The following BUB1B variants were observed in gnomAD, a reference collection of about 807,000 sequenced individuals.
BUB1B encodes the protein BUB1 mitotic checkpoint serine/threonine kinase B.
BUB1B carries 86 observed loss-of-function variants against 137.7 expected under a neutral mutation model. That is an observed-to-expected ratio of 0.62 (90% CI 0.52 to 0.75). The LOEUF (loss-of-function observed/expected upper bound fraction) is 0.75, where lower values mean the gene tolerates loss of function less well. BUB1B is among the 30% of genes least tolerant of loss of function. BUB1B has a pLI of 0.00. For missense variants in BUB1B, 1,130 were observed against 1,236.9 expected (o/e 0.91, Z 1.30); for synonymous variants, 420 against 417.9 (o/e 1.00, Z -0.06).
In BUB1B at chr15:40,202,479, T is replaced by G. The variant is rs776089905; in HGVS notation, c.1628+14T>G. 1.2e-6 allele frequency: 2 copies of G among 1,609,776 alleles called. No homozygotes were observed. The highest frequency in any genetic ancestry group is 4.5e-5 in the East Asian group (2 of 44,830). On this transcript the variant is annotated intron_variant, in intron 13 of 22. Transcript: ENST00000287598. ...GAAGAATAAAAGGTACGTTGTTTTTTTGTTTTTTTGGTTTTTTTTTACTTA... is the reference window on the plus strand; with the variant it reads ...GAAGAATAAAAGGTACGTTGTTTTTGTGTTTTTTTGGTTTTTTTTTACTTA...
At chr15:40,217,691 A>C in intron 21 of BUB1B, 24 bp downstream of exon 21, 1 of 1,613,580 alleles carries the variant, frequency 6.2e-7, no homozygotes, top group Non-Finnish European at 8.5e-7. Flanking sequence ...AAGCCTGAGC[A>C]AATATGGAGA....
At chr15:40,206,121 C>T in intron 14 of BUB1B, 63 bp from the exon 15 acceptor site, 1 of 1,540,866 alleles carries the variant, frequency 6.5e-7, no homozygotes, top group Non-Finnish European at 9.0e-7. Context: ...ATGTCTCTCT[C>T]AGTAAAAAAG....
chr15:40,161,277 T>C, intron 1 of BUB1B, 22 bp downstream of exon 1: 1 of 1,609,072 alleles, frequency 6.2e-7, no homozygotes, highest in Non-Finnish European at 8.5e-7. Flanking sequence ...AGAAAGCTGC[T>C]GGGGGCTGGG....
At chr15:40,181,354 G>A (rs900245054) in intron 5 of BUB1B, among the ~76,000 whole-genome samples, 1 of 152,160 alleles carries the variant, frequency 6.6e-6, no homozygotes, top group African/African-American at 2.4e-5. Flanking sequence ...GCCTCCCAAA[G>A]TGCTGGGATT....
At chr15:40,190,721 T>C (rs1011536290) in intron 8 of BUB1B, among the ~76,000 whole-genome samples, 15 of 152,210 alleles carry the variant, frequency 9.9e-5, no homozygotes, top group African/African-American at 3.4e-4. Context: ...TTAAGTATAA[T>C]AAGGGTTACT....
chr15:40,208,532 C>A, intron 15 of BUB1B, 105 bp from the exon 16 acceptor site: 1 of 1,176,030 alleles, frequency 8.5e-7, no homozygotes, highest in Non-Finnish European at 1.2e-6. Context: ...GAGCAAAACT[C>A]CATCTCAAAA....
At chr15:40,184,679 G>A (rs1295492307) in intron 6 of BUB1B, among the ~76,000 whole-genome samples, 1 of 152,048 alleles carries the variant, frequency 6.6e-6, no homozygotes, top group African/African-American at 2.4e-5. Context: ...GGGAGTGTAT[G>A]GTCCCAAAGG....
Position 40,200,306 on chromosome 15 carries a change from A to T in BUB1B, c.1464A>T (p.Lys488Asn), listed in dbSNP as rs368023159. 44 of 1,613,916 alleles carry T rather than the reference A, an allele frequency of 2.7e-5. No individual in the cohort carries two copies. The Middle Eastern group carries it at 6.6e-4, about 24-fold the overall frequency. Residue 488 changes from lysine (K) to asparagine (N), a missense_variant, in exon 11 of 23, where the codon AAA (lysine) becomes AAT (asparagine). Transcript: ENST00000287598. Reference sequence around the variant, plus strand: ...TGCAAATTGCTTCCGAGTCTCAGAAAATACCAGGAATGACTCTATCCAGTT... The same window carrying T: ...TGCAAATTGCTTCCGAGTCTCAGAATATACCAGGAATGACTCTATCCAGTT... Reference protein sequence around the residue: ...TKLQIASESQKIPGMTLSSSV... With the variant: ...TKLQIASESQNIPGMTLSSSV...
intron 2 of BUB1B, 44 bp from the exon 3 acceptor site, chr15:40,170,018 G>T: frequency 6.9e-7 from 1 of 1,459,296 alleles, no homozygotes; most frequent in Non-Finnish European, 9.6e-7. Context: ...TTCATTGGCT[G>T]TTGTCACTAT....
intron 12 of BUB1B, 146 bp from the exon 13 acceptor site, chr15:40,202,259 T>G: frequency 1.4e-6 from 1 of 698,648 alleles, no homozygotes. Context: ...TTTAATGACC[T>G]TTTATATGTT....
At chr15:40,183,105 G>C (rs953797266) in intron 5 of BUB1B, among the ~76,000 whole-genome samples, 15 of 152,046 alleles carry the variant, frequency 9.9e-5, no homozygotes, top group Admixed American at 5.9e-4. Flanking sequence ...TACTTTTTAA[G>C]GCTAGTTAAA....
At chr15:40,214,984 G>A (rs2037757940) in intron 20 of BUB1B, among the ~76,000 whole-genome samples, 1 of 152,154 alleles carries the variant, frequency 6.6e-6, no homozygotes, top group Non-Finnish European at 1.5e-5. Flanking sequence ...CCAGGGCTAT[G>A]GAAATTGGAA....
intron 8 of BUB1B, among the ~76,000 whole-genome samples, chr15:40,191,162 A>G (rs150069902): frequency 0.02 from 3,120 of 152,292 alleles, 94 homozygotes; most frequent in East Asian, 0.062. Context: ...TGCTGGGATT[A>G]CAGGCATGAG....
chr15:40,215,319 A>G (rs977173519), intron 20 of BUB1B, among the ~76,000 whole-genome samples: 1 of 152,000 alleles, frequency 6.6e-6, no homozygotes, highest in African/African-American at 2.4e-5. Flanking sequence ...CTAAAAATAC[A>G]AAATTAGCCA....
At chr15:40,216,846 A>G (rs1191533894) in intron 20 of BUB1B, among the ~76,000 whole-genome samples, 1 of 151,972 alleles carries the variant, frequency 6.6e-6, no homozygotes. Context: ...CCCCTTGGAG[A>G]ATAGCATTAT....
intron 14 of BUB1B, 98 bp from the exon 15 acceptor site, chr15:40,206,086 C>A: frequency 3.2e-6 from 4 of 1,266,498 alleles, no homozygotes; most frequent in Non-Finnish European, 3.4e-6. Context: ...TATGCTATTT[C>A]TGTACCCTGT....
intron 9 of BUB1B, 47 bp from the exon 10 acceptor site, chr15:40,199,568 T>A: frequency 6.7e-7 from 1 of 1,483,476 alleles, no homozygotes; most frequent in Non-Finnish European, 9.4e-7. Flanking sequence ...TTTGACAGAA[T>A]GAGTTACTAT....
At chr15:40,185,681 T>A (rs1286717669) in intron 8 of BUB1B, 39 bp downstream of exon 8, 2 of 1,574,940 alleles carry the variant, frequency 1.3e-6, no homozygotes, top group South Asian at 2.2e-5. Flanking sequence ...TGGGAATTAT[T>A]AAGGGTGGGC....
intron 20 of BUB1B, 68 bp downstream of exon 20, chr15:40,213,542 TTTTC>T: frequency 6.3e-7 from 1 of 1,586,848 alleles, no homozygotes; most frequent in Non-Finnish European, 8.6e-7. Flanking sequence ...CCACTTTTTT[TTTTC>T]TTTTTTGAGG....
Sources: allele counts gnomAD v4.1 joint callset (sites outside exome capture counted in the v4.1 genomes callset), GRCh38; gene constraint gnomAD v4.1.1; transcripts MANE v1.5; gene names NCBI Gene and HGNC (gene_info 2026-07-23, HGNC 2026-07-21).